The following TTC23 variants were observed in gnomAD, a reference collection of about 807,000 sequenced individuals.
TTC23 encodes tetratricopeptide repeat domain 23, also known as tetratricopeptide repeat protein 23.
TTC23 carries 58 observed loss-of-function variants against 55.1 expected under a neutral mutation model. The observed-to-expected ratio is 1.05, with a 90% CI of 0.85 to 1.31. TTC23 has a LOEUF of 1.31. Ranked by LOEUF, TTC23 falls within the 50% of genes most tolerant of loss-of-function variation. The probability of loss-of-function intolerance (pLI) is 0.00; values close to 1 mark genes in which losing one functional copy is unlikely to be tolerated. For missense variants in TTC23, 516 were observed against 534.4 expected, an observed-to-expected ratio of 0.97 and a Z score of 0.34; for synonymous variants, 203 against 199.9, an observed-to-expected ratio of 1.02 and a Z score of -0.13.
intron 11 of TTC23, chr15:99,161,012 CA>C (rs34970118): frequency 0.022 from 1,497 of 67,412 alleles, 8 homozygotes; most frequent in African/African-American, 0.069. Context: ...GACTCTGTCT[CA>C]AAAAAAAAAA....
At chr15:99,146,429 G>A (rs73480175) in intron 12 of TTC23, among the ~76,000 whole-genome samples, 1 of 152,086 alleles carries the variant, frequency 6.6e-6, no homozygotes, top group Admixed American at 6.5e-5. Context: ...CTGACCATTG[G>A]TCTTTCAACT....
chr15:99,148,359 C>A (rs1555495076), intron 12 of TTC23, among the ~76,000 whole-genome samples: 2 of 1,042 alleles, frequency 1.9e-3, no homozygotes, highest in Non-Finnish European at 2.8e-3. Context: ...AGACTCTGTA[C>A]CAAAAAAAAA....
chr15:99,143,642 C>T (rs1358831924), intron 12 of TTC23, among the ~76,000 whole-genome samples: 3 of 152,218 alleles, frequency 2.0e-5, no homozygotes, highest in Admixed American at 6.5e-5. Context: ...CATTACATTG[C>T]TCTTATTCTC....
At chr15:99,179,484 A>C (rs1467493578) in intron 9 of TTC23, among the ~76,000 whole-genome samples, 2 of 152,170 alleles carry the variant, frequency 1.3e-5, no homozygotes, top group African/African-American at 4.8e-5. Context: ...AACCACCTAA[A>C]TATCTATCAG....
Position 99,218,724 on chromosome 15 carries a change from T to C in TTC23, c.456-11A>G. 6.2e-7 allele frequency: 1 copy of C among 1,613,724 alleles called. No homozygotes were observed. Among genetic ancestry groups the C allele is most frequent in the Non-Finnish European group, 8.5e-7 (1 of 1,179,988 alleles). On this transcript the variant is annotated splice_polypyrimidine_tract_variant and intron_variant, in intron 7 of 13. Transcript: ENST00000394132. ...GCAGCTTCCTTAAATCTGAATTGTG[T>C]TCAGGAAATTTTCCACTTGGTTCTA...
At chr15:99,184,586 T>G (rs2074485071) in intron 9 of TTC23, among the ~76,000 whole-genome samples, 1 of 152,186 alleles carries the variant, frequency 6.6e-6, no homozygotes, top group African/African-American at 2.4e-5. Flanking sequence ...TTTGAACGGG[T>G]GTATTTACCC....
chr15:99,162,114 A>C (rs573888710), intron 10 of TTC23, among the ~76,000 whole-genome samples: 1 of 152,332 alleles, frequency 6.6e-6, no homozygotes, highest in East Asian at 1.9e-4. Flanking sequence ...CATAAAGAAA[A>C]GTTACTGCAA....
At chr15:99,223,898 G>A (rs1393625745) in intron 5 of TTC23, among the ~76,000 whole-genome samples, 1 of 152,154 alleles carries the variant, frequency 6.6e-6, no homozygotes, top group Admixed American at 6.6e-5. Context: ...CAAGAGAGAT[G>A]GCTGAAGAAA....
rs144678789 is a variant in TTC23, at chr15:99,142,540, AAC to A, written c.1144-3143_1144-3142del. 8.5e-3 allele frequency among the ~76,000 whole-genome samples: 1,291 copies of A among 152,332 alleles called. 13 individuals are homozygous for A. The highest frequency in any genetic ancestry group is 0.013 in the Non-Finnish European group (882 of 68,032). Reference sequence around the variant, plus strand: ...GGCATTAGAGTTTTACTGACACTGTAACAGTTAGTTGAGACAGTCTGAGGTCT... The same window carrying A: ...GGCATTAGAGTTTTACTGACACTGTAAGTTAGTTGAGACAGTCTGAGGTCT... On this transcript the variant is annotated intron_variant, in intron 12 of 13. Coordinates refer to ENST00000394132, the MANE Select transcript of TTC23 (RefSeq NM_001288615.3).
In TTC23 at chr15:99,200,759, G is replaced by GAT. The variant is rs143428417; in HGVS notation, c.582-665_582-664dup. ...AAGTGATACTCTGGCAGGGCAAGAA[G>GAT]ATATATATATAGAACATTTACCTTA... On this transcript the variant is annotated intron_variant, in intron 8 of 13. Transcript: ENST00000394132. 4.6e-3 allele frequency among the ~76,000 whole-genome samples: 703 copies of GAT among 152,190 alleles called. 11 individuals carry two copies. Among genetic ancestry groups the GAT allele is most frequent in the African/African-American group, 0.016 (670 of 41,514 alleles).
intron 10 of TTC23, among the ~76,000 whole-genome samples, chr15:99,174,178 C>G (rs1310379839): frequency 6.6e-6 from 1 of 152,108 alleles, no homozygotes; most frequent in Non-Finnish European, 1.5e-5. Context: ...GCCGATGCCC[C>G]CTTCATCAGT....
At chr15:99,168,944 G>A (rs2072533692) in intron 10 of TTC23, among the ~76,000 whole-genome samples, 1 of 152,158 alleles carries the variant, frequency 6.6e-6, no homozygotes, top group Admixed American at 6.5e-5. Flanking sequence ...TCTAGGCCTT[G>A]CTTGGCCTCT....
intron 8 of TTC23, among the ~76,000 whole-genome samples, chr15:99,207,510 G>A (rs1302858914): frequency 6.6e-6 from 1 of 152,182 alleles, no homozygotes; most frequent in Non-Finnish European, 1.5e-5. Context: ...TGTAATCCCA[G>A]CACTTTGGGG....
Position 99,161,806 on chromosome 15 carries a change from T to TC in TTC23, c.926dup (p.Arg310LysfsTer10), listed in dbSNP as rs750751167. 13 of 1,613,772 alleles carry TC rather than the reference T, an allele frequency of 8.1e-6. No individual in the cohort carries two copies. In the Admixed American group the frequency reaches 2.2e-4, roughly 27 times the overall value. ...CTTGAATTGAAAGAAATTTGGTTCT[T>TC]CCCATCCCTTCAGAATCCTTAAGAT... On this transcript the variant is annotated frameshift_variant, in exon 11 of 14. Transcript: ENST00000394132. LOFTEE classifies it high-confidence loss of function.
At chr15:99,179,489 T>G (rs576945475) in intron 9 of TTC23, among the ~76,000 whole-genome samples, 1 of 152,360 alleles carries the variant, frequency 6.6e-6, no homozygotes, top group East Asian at 1.9e-4. Flanking sequence ...CCTAAATATC[T>G]ATCAGCAGGG....
chr15:99,231,150 A>G (rs1231663261), intron 4 of TTC23, among the ~76,000 whole-genome samples: 1 of 152,254 alleles, frequency 6.6e-6, no homozygotes, highest in East Asian at 1.9e-4. Flanking sequence ...TGCTAGCCAT[A>G]TAAAAGTAAA....
intron 12 of TTC23, chr15:99,144,763 A>G (rs1555492142): frequency 6.6e-6 from 1 of 152,240 alleles, no homozygotes; most frequent in Non-Finnish European, 1.5e-5. Context: ...CATGAAATGA[A>G]AAAGCTAAAG....
chr15:99,194,693 T>C (rs187630619), intron 9 of TTC23, among the ~76,000 whole-genome samples: 113 of 152,300 alleles, frequency 7.4e-4, no homozygotes, highest in Non-Finnish European at 1.2e-3. Context: ...CCCAGCACTT[T>C]GGGAGGCACA....
chr15:99,157,179 T>C (rs1365486451), intron 11 of TTC23: 1 of 150,122 alleles, frequency 6.7e-6, no homozygotes, highest in Non-Finnish European at 1.5e-5. Context: ...CAGCAGATCT[T>C]CCATTTTACA....
Sources: allele counts gnomAD v4.1 joint callset (sites outside exome capture counted in the v4.1 genomes callset), GRCh38; gene constraint gnomAD v4.1.1; transcripts MANE v1.5; gene names NCBI Gene and HGNC (gene_info 2026-07-23, HGNC 2026-07-21).